ADCK1: variants seen among roughly 807,000 people sequenced by gnomAD.
ADCK1 encodes the protein aarF domain-containing protein kinase 1.
ADCK1 carries 41 observed loss-of-function variants against 52.3 expected under a neutral mutation model. The ratio of observed to expected loss-of-function variants is 0.78; its 90% CI spans 0.61 to 1.02. The LOEUF (loss-of-function observed/expected upper bound fraction) is 1.02. Ranked by LOEUF, ADCK1 falls within the 50% of genes least tolerant of loss-of-function variation. The pLI is 0.00. For synonymous variants in ADCK1, 250 were observed against 274.6 expected, an observed-to-expected ratio of 0.91 and a Z score of 0.89; for missense variants, 658 against 679.5, an observed-to-expected ratio of 0.97 and a Z score of 0.35.
chr14:77,849,584 C>T (rs1037981508), intron 3 of ADCK1, among the ~76,000 whole-genome samples: 1 of 151,704 alleles, frequency 6.6e-6, no homozygotes, highest in Admixed American at 6.6e-5. Context: ...GCTGGGACTA[C>T]AGGCATATGC....
chr14:77,918,835 T>C (rs2083985428), intron 7 of ADCK1, among the ~76,000 whole-genome samples: 1 of 152,200 alleles, frequency 6.6e-6, no homozygotes, highest in African/African-American at 2.4e-5. Flanking sequence ...TGGTCATACA[T>C]CAACTTGAAG....
chr14:77,867,457 T>A (rs1033611137), intron 4 of ADCK1, among the ~76,000 whole-genome samples: 1 of 151,938 alleles, frequency 6.6e-6, no homozygotes, highest in African/African-American at 2.4e-5. Flanking sequence ...AAAAACATAA[T>A]GAAGAATAAA....
intron 3 of ADCK1, among the ~76,000 whole-genome samples, chr14:77,825,640 G>GTTTTTT (rs11311915): frequency 7.3e-6 from 1 of 137,394 alleles, no homozygotes; most frequent in African/African-American, 2.7e-5. Flanking sequence ...GAAATGTTAG[G>GTTTTTT]TTTTTTTTTT....
intron 5 of ADCK1, among the ~76,000 whole-genome samples, chr14:77,891,188 A>G (rs2083276399): frequency 6.6e-6 from 1 of 152,150 alleles, no homozygotes; most frequent in Admixed American, 6.5e-5. Flanking sequence ...TGGAGACTCG[A>G]GGTGGGTGAA....
At chr14:77,821,668 G>A (rs541293538) in intron 2 of ADCK1, among the ~76,000 whole-genome samples, 1 of 152,030 alleles carries the variant, frequency 6.6e-6, no homozygotes, top group South Asian at 2.1e-4. Flanking sequence ...ATCGCCTGAG[G>A]TCAGGAGTTC....
At chr14:77,822,594 C>A (rs1038923116) in intron 3 of ADCK1, 76 bp downstream of exon 3, 4 of 1,221,728 alleles carry the variant, frequency 3.3e-6, no homozygotes, top group Non-Finnish European at 4.8e-6. Context: ...TAGTGATCCT[C>A]CCACCTCACC....
chr14:77,933,563 G>A lies in ADCK1; in HGVS notation c.*172G>A, dbSNP rs1383128253. 4.2e-6 allele frequency: 3 copies of A among 715,142 alleles called. No individual in the cohort carries two copies. In the African/African-American group the frequency reaches 5.3e-5, roughly 13 times the overall value. 44.3% of individuals were successfully genotyped at this position (715,142 alleles called of 1,614,324 possible). A position where few individuals can be genotyped will look rare whatever the true frequency, so the allele number is the denominator to read the frequency against. On this transcript the variant is annotated 3_prime_UTR_variant, in exon 11 of 11. Transcript: ENST00000238561. Reference sequence around the variant, plus strand: ...ATCCTCTCCGCACACTGTGGCCCTTGTCTCAGGGCCCACAAGCTGAACTGT... The same window carrying A: ...ATCCTCTCCGCACACTGTGGCCCTTATCTCAGGGCCCACAAGCTGAACTGT...
At chr14:77,886,503 C>G (rs146662067) in intron 4 of ADCK1, among the ~76,000 whole-genome samples, 1 of 152,156 alleles carries the variant, frequency 6.6e-6, no homozygotes, top group Non-Finnish European at 1.5e-5. Context: ...CTTAGGGGCC[C>G]GTGCACAGGT....
chr14:77,932,544 C>T (rs1404088572), intron 10 of ADCK1, among the ~76,000 whole-genome samples: 1 of 152,172 alleles, frequency 6.6e-6, no homozygotes, highest in East Asian at 1.9e-4. Context: ...ATTTCCAGCC[C>T]TTCCGTGCTG....
chr14:77,840,026 C>G (rs2082036031), intron 3 of ADCK1, among the ~76,000 whole-genome samples: 1 of 151,484 alleles, frequency 6.6e-6, no homozygotes, highest in Admixed American at 6.6e-5. Context: ...CTGTGTGGAG[C>G]TGAATCTTCT....
chr14:77,929,953 G>T (rs1378804336), intron 9 of ADCK1, among the ~76,000 whole-genome samples: 5 of 152,110 alleles, frequency 3.3e-5, no homozygotes, highest in Admixed American at 1.3e-4. Context: ...GTGTGAGCCT[G>T]GGTTCTTTTA....
intron 3 of ADCK1, among the ~76,000 whole-genome samples, chr14:77,849,121 C>T (rs1469278761): frequency 6.6e-6 from 1 of 152,234 alleles, no homozygotes; most frequent in East Asian, 1.9e-4. Flanking sequence ...AGCCACCGCG[C>T]CCGGCCACAG....
At chr14:77,800,474 GCA>G (rs1231336039) in intron 1 of ADCK1, among the ~76,000 whole-genome samples, 1 of 152,274 alleles carries the variant, frequency 6.6e-6, no homozygotes, top group African/African-American at 2.4e-5. Flanking sequence ...AGTCTTGCAG[GCA>G]CCCGAGTGGG....
At chr14:77,814,380 C>CT (rs953032765) in intron 1 of ADCK1, among the ~76,000 whole-genome samples, 7 of 149,196 alleles carry the variant, frequency 4.7e-5, no homozygotes, top group South Asian at 4.3e-4. Flanking sequence ...CACCTGACCC[C>CT]TTTTTTTTTC....
chr14:77,804,235 A>C (rs1167501333), intron 1 of ADCK1, among the ~76,000 whole-genome samples: 2 of 152,142 alleles, frequency 1.3e-5, no homozygotes, highest in Non-Finnish European at 2.9e-5. Context: ...ATTCATTAAC[A>C]AAGGGTTTAA....
intron 6 of ADCK1, among the ~76,000 whole-genome samples, chr14:77,907,313 C>T (rs1361920232): frequency 2.6e-5 from 4 of 152,182 alleles, no homozygotes; most frequent in Non-Finnish European, 4.4e-5. Flanking sequence ...TGTTTTCCTA[C>T]AGGAAACAGG....
At chr14:77,889,282 T>C (rs1334803556) in intron 5 of ADCK1, among the ~76,000 whole-genome samples, 1 of 152,200 alleles carries the variant, frequency 6.6e-6, no homozygotes, top group Non-Finnish European at 1.5e-5. Context: ...TTATAAATTA[T>C]GCATAGTAAG....
intron 3 of ADCK1, among the ~76,000 whole-genome samples, chr14:77,836,209 C>T (rs61990723): frequency 0.21 from 32,538 of 152,162 alleles, 4,180 homozygotes; most frequent in African/African-American, 0.35. Flanking sequence ...TGGGATGACC[C>T]AGCAAGACGG....
Position 77,924,447 on chromosome 14 carries a change from T to G in ADCK1, c.859-10T>G. ...GAGAGGAGCTCCCACCTGCCCCTCT[T>G]CTCTTTCAGATCTCACGCCACCTGG... On this transcript the variant is annotated splice_polypyrimidine_tract_variant and intron_variant, in intron 7 of 10. Coordinates refer to ENST00000238561, the MANE Select transcript of ADCK1 (RefSeq NM_020421.4). 6.2e-7 allele frequency: 1 copy of G among 1,613,576 alleles called. No individual in the cohort carries two copies. The highest frequency in any genetic ancestry group is 8.5e-7 in the Non-Finnish European group (1 of 1,179,872).
Sources: allele counts gnomAD v4.1 joint callset (sites outside exome capture counted in the v4.1 genomes callset), GRCh38; gene constraint gnomAD v4.1.1; transcripts MANE v1.5; gene names NCBI Gene and HGNC (gene_info 2026-07-23, HGNC 2026-07-21).